The following MRAP2 variants were observed in gnomAD, a reference collection of about 807,000 sequenced individuals.
MRAP2 encodes the protein melanocortin 2 receptor accessory protein 2.
Under a neutral mutation model 17.4 loss-of-function variants are expected in MRAP2, and 20 were observed. That is an observed-to-expected ratio of 1.15 (90% confidence interval 0.81 to 1.67). The LOEUF (loss-of-function observed/expected upper bound fraction) is 1.67. Ranked by LOEUF, MRAP2 falls within the 40% of genes most tolerant of loss-of-function variation. MRAP2 has a pLI of 0.00. For synonymous variants in MRAP2, 96 were observed against 88.4 expected (o/e 1.09, Z -0.48); for missense variants, 238 against 240.0 (o/e 0.99, Z 0.05).
At chr6:84,120,715 T>C in the MRAP2 span, among the ~76,000 whole-genome samples, 1 of 152,140 alleles carries the variant, frequency 6.6e-6, no homozygotes, top group East Asian at 1.9e-4. Flanking sequence ...TTGCTTGCAT[T>C]TGGAATGAAT....
intron 3 of MRAP2, among the ~76,000 whole-genome samples, chr6:84,074,796 T>C (rs1353045411): frequency 6.6e-6 from 1 of 152,194 alleles, no homozygotes; most frequent in African/African-American, 2.4e-5. Context: ...TGGCTGGACT[T>C]TCCTTTAATG....
In MRAP2 at chr6:84,055,439, C is replaced by T. The variant is rs772486770; in HGVS notation, c.121C>T (p.His41Tyr). The T allele has an allele frequency of 6.2e-7, 1 of 1,611,792 alleles. No homozygotes were observed. Among genetic ancestry groups the T allele is most frequent in the African/African-American group, 1.3e-5 (1 of 74,784 alleles). ...GPVSFEGLKA[H>Y]KYSIVIGFWV... ...AGTTTCCTTTGAAGGACTGAAGGCT[C>T]ATAAATGTAAGTTTTATACAATTCC... The change falls in exon 2 of 4, where the codon CAT (histidine) becomes TAT (tyrosine). Residue 41 changes from histidine (H) to tyrosine (Y), a missense_variant. Transcript: ENST00000257776.
At chr6:84,097,787 A>G in the MRAP2 span, among the ~76,000 whole-genome samples, 2 of 152,090 alleles carry the variant, frequency 1.3e-5, no homozygotes, top group Admixed American at 6.5e-5. Flanking sequence ...GACATTTTTT[A>G]TTATTTGGCA....
chr6:84,144,308 A>T, the MRAP2 span, among the ~76,000 whole-genome samples: 2 of 152,044 alleles, frequency 1.3e-5, no homozygotes, highest in Non-Finnish European at 2.9e-5. Context: ...AATGTTCCAG[A>T]AGTTGTATAC....
chr6:84,063,928 C>T (rs2129167946), intron 3 of MRAP2, among the ~76,000 whole-genome samples: 1 of 152,024 alleles, frequency 6.6e-6, no homozygotes, highest in African/African-American at 2.4e-5. Flanking sequence ...ACCTATAGTC[C>T]TAGCTACCTG....
At chr6:84,140,578 G>C in the MRAP2 span, among the ~76,000 whole-genome samples, 1 of 151,984 alleles carries the variant, frequency 6.6e-6, no homozygotes, top group Non-Finnish European at 1.5e-5. Context: ...CCCAGGCTGG[G>C]GTACAGTGGC....
At chr6:84,075,250 C>T (rs1330156815) in intron 3 of MRAP2, among the ~76,000 whole-genome samples, 2 of 152,254 alleles carry the variant, frequency 1.3e-5, no homozygotes, top group South Asian at 4.1e-4. Flanking sequence ...ACTAGCCACA[C>T]CCACCTGACT....
the MRAP2 span, among the ~76,000 whole-genome samples, chr6:84,110,039 G>C: frequency 1.3e-5 from 2 of 152,102 alleles, no homozygotes; most frequent in Admixed American, 6.5e-5. Context: ...CTTTGCTATT[G>C]TGAACAGTGC....
chr6:84,051,628 C>T (rs979855617), intron 1 of MRAP2, among the ~76,000 whole-genome samples: 4 of 152,062 alleles, frequency 2.6e-5, no homozygotes, highest in Non-Finnish European at 5.9e-5. Flanking sequence ...GAGGCTGGGG[C>T]AGGAGGATCG....
the MRAP2 span, among the ~76,000 whole-genome samples, chr6:84,121,192 A>T: frequency 6.6e-6 from 1 of 151,680 alleles, no homozygotes; most frequent in Non-Finnish European, 1.5e-5. Flanking sequence ...CTTCTACCTC[A>T]GCCTCCTGAG....
At chr6:84,066,653 C>T (rs750519167) in intron 3 of MRAP2, among the ~76,000 whole-genome samples, 2 of 152,062 alleles carry the variant, frequency 1.3e-5, no homozygotes, top group African/African-American at 2.4e-5. Flanking sequence ...TCACCAAGTC[C>T]TCACAGGAAG....
chr6:84,042,945 T>A (rs2099488017), intron 1 of MRAP2, among the ~76,000 whole-genome samples: 1 of 152,240 alleles, frequency 6.6e-6, no homozygotes, highest in Non-Finnish European at 1.5e-5. Context: ...TCCTTTTCAC[T>A]TGTTTGCTAA....
At chr6:84,107,477 ACTT>A in the MRAP2 span, among the ~76,000 whole-genome samples, 1 of 152,194 alleles carries the variant, frequency 6.6e-6, no homozygotes, top group Non-Finnish European at 1.5e-5. Flanking sequence ...AGTAGTTGCT[ACTT>A]CTTCTTCATT....
chr6:84,061,919 AAG>A, intron 2 of MRAP2: 1 of 985,440 alleles, frequency 1.0e-6, no homozygotes, highest in Non-Finnish European at 1.2e-6. Flanking sequence ...CTTTTCATGA[AAG>A]AGCAATATCA....
At chr6:84,113,740 C>G in the MRAP2 span, among the ~76,000 whole-genome samples, 15 of 152,142 alleles carry the variant, frequency 9.9e-5, no homozygotes, top group African/African-American at 2.7e-4. Flanking sequence ...TCCTTTCCAA[C>G]TTCAGTGCTT....
At chr6:84,054,459 T>TTGTCC (rs1228840057) in intron 1 of MRAP2, among the ~76,000 whole-genome samples, 3 of 152,172 alleles carry the variant, frequency 2.0e-5, no homozygotes, top group Non-Finnish European at 4.4e-5. Flanking sequence ...ATTTCAGGAG[T>TTGTCC]AAGCAGTTGG....
At chr6:84,037,648 G>A (rs950260748) in intron 1 of MRAP2, among the ~76,000 whole-genome samples, 14 of 152,304 alleles carry the variant, frequency 9.2e-5, no homozygotes, top group South Asian at 2.1e-4. Flanking sequence ...GCTGAGGCCC[G>A]GTGAGAATTT....
At chr6:84,124,603 C>T in the MRAP2 span, 8 of 178,960 alleles carry the variant, frequency 4.5e-5, no homozygotes, top group Non-Finnish European at 8.0e-5. Flanking sequence ...CGGCAGTAAG[C>T]GTTGAAAAAT....
chr6:84,058,946 G>A (rs546641216), intron 2 of MRAP2, among the ~76,000 whole-genome samples: 19 of 152,182 alleles, frequency 1.2e-4, no homozygotes, highest in African/African-American at 4.6e-4. Context: ...TGATGGAATT[G>A]GTTCAAGAAA....
Sources: gnomAD v4.1 joint callset for allele counts (sites outside exome capture counted in the v4.1 genomes callset) on GRCh38, gnomAD v4.1.1 for gene constraint, MANE v1.5 for transcripts, NCBI Gene and HGNC (gene_info 2026-07-23, HGNC 2026-07-21) for gene names.